The following POLE2 variants were observed in gnomAD, a reference collection of about 807,000 sequenced individuals.
POLE2 encodes the protein DNA polymerase epsilon 2, accessory subunit.
Under a neutral mutation model 79.4 loss-of-function variants are expected in POLE2, and 56 were observed. The ratio of observed to expected loss-of-function variants is 0.71; its 90% confidence interval spans 0.57 to 0.88. The LOEUF is 0.88. Ranked by LOEUF, POLE2 falls within the 40% of genes least tolerant of loss-of-function variation. The probability of loss-of-function intolerance (pLI) is 0.00; values close to 1 mark genes in which losing one functional copy is unlikely to be tolerated. For missense variants in POLE2, 598 were observed against 638.9 expected, an observed-to-expected ratio of 0.94 and a Z score of 0.69; for synonymous variants, 212 against 214.0, an observed-to-expected ratio of 0.99 and a Z score of 0.08.
intron 1 of POLE2, among the ~76,000 whole-genome samples, chr14:49,684,200 C>A (rs997259182): frequency 6.6e-6 from 1 of 152,144 alleles, no homozygotes; most frequent in African/African-American, 2.4e-5. Context: ...CGGTGGCTCA[C>A]GCCTGTAATC....
chr14:49,647,141 CA>C, intron 18 of POLE2, 151 bp downstream of exon 18: 1 of 499,482 alleles, frequency 2.0e-6, no homozygotes. Flanking sequence ...CTGTGTCACA[CA>C]GCATAACCGT....
chr14:49,680,973 G>A (rs935737118), intron 2 of POLE2, among the ~76,000 whole-genome samples: 1 of 152,130 alleles, frequency 6.6e-6, no homozygotes, highest in Non-Finnish European at 1.5e-5. Context: ...AAAGGTATAT[G>A]TAAAATTCTG....
In POLE2 at chr14:49,688,121, C is replaced by T; in HGVS notation, c.68+15G>A. 6.5e-7 allele frequency: 1 copy of T among 1,547,022 alleles called. No individual in the cohort carries two copies. ...CTCTTCCCTCTCGCCCTTCAAGCTG[C>T]CCGAGCCCACTCACCCACGGAGCAG... On this transcript the variant is annotated intron_variant, in intron 1 of 18. Coordinates refer to ENST00000216367, the MANE Select transcript of POLE2 (RefSeq NM_002692.4).
At chr14:49,670,940 C>G (rs990685582) in intron 5 of POLE2, among the ~76,000 whole-genome samples, 17 of 152,270 alleles carry the variant, frequency 1.1e-4, no homozygotes, top group African/African-American at 3.9e-4. Context: ...TCAAAAAGCC[C>G]TGACAATACA....
chr14:49,674,205 G>A lies in POLE2; in HGVS notation c.335C>T (p.Thr112Ile). The part of the protein sequence containing the change: ...ERKKFLPLLM[T>I]NHPAPNLFGT... Reference sequence around the variant, plus strand: ...AAATAAATTTGGTGCAGGGTGGTTGGTCATTAACAGACTAGAAAAAGAGAA... The same window carrying A: ...AAATAAATTTGGTGCAGGGTGGTTGATCATTAACAGACTAGAAAAAGAGAA... The change falls in exon 5 of 19, where the codon ACC becomes ATC. Residue 112 changes from threonine to isoleucine, a missense_variant. Coordinates refer to ENST00000216367, the MANE Select transcript of POLE2 (RefSeq NM_002692.4). 1 of 1,608,188 alleles carries A rather than the reference G, an allele frequency of 6.2e-7. No individual in the cohort carries two copies. Among genetic ancestry groups the A allele is most frequent in the Non-Finnish European group, 8.5e-7 (1 of 1,174,846 alleles).
chr14:49,649,137 CTTTTTTTT>C (rs374201091), intron 17 of POLE2, among the ~76,000 whole-genome samples: 2 of 108,784 alleles, frequency 1.8e-5, no homozygotes, highest in Non-Finnish European at 3.5e-5. Flanking sequence ...ATTTCTTTCC[CTTTTTTTT>C]TTTTTTTTTT....
At chr14:49,647,461 A>AT (rs1261755767) in intron 17 of POLE2, 101 bp from the exon 18 acceptor site, 86 of 395,882 alleles carry the variant, frequency 2.2e-4, no homozygotes, top group East Asian at 6.6e-4. Context: ...TATTTTATTT[A>AT]TTTATTTTTT....
At chr14:49,687,290 TAC>T (rs1475817150) in intron 1 of POLE2, among the ~76,000 whole-genome samples, 72 of 123,208 alleles carry the variant, frequency 5.8e-4, no homozygotes, top group Non-Finnish European at 1.0e-3. Context: ...TATATATATA[TAC>T]ACACACACCA....
chr14:49,657,880 A>G (rs1884812155), intron 10 of POLE2, among the ~76,000 whole-genome samples: 1 of 152,138 alleles, frequency 6.6e-6, no homozygotes, highest in African/African-American at 2.4e-5. Flanking sequence ...CCTAAAACCA[A>G]TTTATCCTGG....
rs376318048 is a variant in POLE2 at position 49,664,699 on chromosome 14, T to C, written c.634-25A>G. ...GGTACACAACAGTTGAGGAAAATAATTCTATTCTTGAGGCAGTAATAAAGT... is the reference window on the plus strand; with the variant it reads ...GGTACACAACAGTTGAGGAAAATAACTCTATTCTTGAGGCAGTAATAAAGT... On this transcript the variant is annotated intron_variant, in intron 8 of 18. Transcript: ENST00000216367. 1.1e-5 allele frequency: 16 copies of C among 1,469,914 alleles called. No individual in the cohort carries two copies. The African/African-American group carries it at 1.9e-4, about 18-fold the overall frequency. The allele number at this position is 1,469,914 out of a possible 1,614,324, so 91.1% of individuals were successfully genotyped here. A position where few individuals can be genotyped will look rare whatever the true frequency, so the allele number is the denominator to read the frequency against.
intron 7 of POLE2, 56 bp downstream of exon 7, chr14:49,666,274 A>G: frequency 1.2e-6 from 1 of 859,378 alleles, no homozygotes; most frequent in Non-Finnish European, 1.9e-6. Context: ...GTTCTATGTA[A>G]CCGACATTTC....
intron 5 of POLE2, among the ~76,000 whole-genome samples, chr14:49,670,380 A>G (rs183913660): frequency 6.7e-6 from 1 of 149,862 alleles, no homozygotes; most frequent in East Asian, 1.9e-4. Flanking sequence ...GAGTTAGAGT[A>G]TTTAGGAAGC....
intron 5 of POLE2, among the ~76,000 whole-genome samples, chr14:49,670,346 A>G (rs1213093634): frequency 6.8e-6 from 1 of 146,246 alleles, no homozygotes; most frequent in African/African-American, 2.5e-5. Context: ...AAAAAAAAAG[A>G]CATTTCAGGC....
intron 9 of POLE2, among the ~76,000 whole-genome samples, chr14:49,664,060 TA>T (rs1314834627): frequency 8.3e-6 from 1 of 120,286 alleles, no homozygotes; most frequent in Non-Finnish European, 1.7e-5. Context: ...AAAAAGTATA[TA>T]ATTCAGGCCG....
intron 10 of POLE2, among the ~76,000 whole-genome samples, chr14:49,656,254 A>G (rs1884663959): frequency 6.6e-6 from 1 of 151,122 alleles, no homozygotes; most frequent in Non-Finnish European, 1.5e-5. Flanking sequence ...ACTCTGGAGG[A>G]TGAGACAGGA....
At chr14:49,667,189 A>C (rs1322872954) in intron 6 of POLE2, among the ~76,000 whole-genome samples, 1 of 151,908 alleles carries the variant, frequency 6.6e-6, no homozygotes, top group African/African-American at 2.4e-5. Context: ...TGTCTCAAAA[A>C]AAAAACAAAA....
intron 17 of POLE2, 187 bp downstream of exon 17, chr14:49,650,078 T>G: frequency 2.9e-6 from 1 of 349,874 alleles, no homozygotes; most frequent in Non-Finnish European, 5.0e-6. Context: ...TACTTTATAG[T>G]CACTATACTG....
At chr14:49,656,729 T>C (rs1029878595) in intron 10 of POLE2, among the ~76,000 whole-genome samples, 2 of 152,146 alleles carry the variant, frequency 1.3e-5, no homozygotes, top group African/African-American at 4.8e-5. Context: ...AAATACCCCA[T>C]AGGCCTCCTC....
At chr14:49,677,819 C>G (rs996811977) in intron 3 of POLE2, 2 of 539,454 alleles carry the variant, frequency 3.7e-6, no homozygotes, top group Admixed American at 3.9e-5. Context: ...GCAGCACCCT[C>G]ACAATGCTTG....
Sources: allele counts gnomAD v4.1 joint callset (sites outside exome capture counted in the v4.1 genomes callset), GRCh38; gene constraint gnomAD v4.1.1; transcripts MANE v1.5; gene names NCBI Gene and HGNC (gene_info 2026-07-23, HGNC 2026-07-21).